The following HACE1 variants were observed in gnomAD, a reference collection of about 807,000 sequenced individuals.
HACE1 encodes the protein HECT domain and ankyrin repeat containing E3 ubiquitin protein ligase 1, also known as E3 ubiquitin-protein ligase HACE1.
In HACE1, 73 loss-of-function variants were observed where a neutral mutation model predicts 118.4. The observed-to-expected ratio is 0.62, with a 90% CI of 0.51 to 0.75. The LOEUF is 0.75. Among genes scored for constraint, HACE1 ranks in the 30% least tolerant of loss-of-function variants. HACE1 has a pLI of 0.00. For missense variants in HACE1, 749 were observed against 1,102.2 expected (o/e 0.68, Z 4.54); for synonymous variants, 368 against 374.8 (o/e 0.98, Z 0.21).
chr6:104,784,404 C>A lies in HACE1; in HGVS notation c.1478+13G>T. On this transcript the variant is annotated intron_variant, in intron 13 of 23. Coordinates refer to ENST00000262903, the MANE Select transcript of HACE1 (RefSeq NM_020771.4). ...AAGGCTAGCAGGGTACTCCACAAAC[C>A]CAGAAAGCTTACCTATTAACAAAGC... 1 of 1,582,278 alleles carries A rather than the reference C, an allele frequency of 6.3e-7. No homozygotes were observed. The highest frequency in any genetic ancestry group is 8.7e-7 in the Non-Finnish European group (1 of 1,151,240).
intron 1 of HACE1, among the ~76,000 whole-genome samples, chr6:104,852,884 C>T (rs1167956951): frequency 6.6e-6 from 1 of 152,104 alleles, no homozygotes. Context: ...ATACTGGCTT[C>T]TTGTCAATAT....
chr6:104,845,540 C>T (rs984768477), intron 4 of HACE1, among the ~76,000 whole-genome samples: 17 of 146,580 alleles, frequency 1.2e-4, no homozygotes, highest in African/African-American at 3.3e-4. Flanking sequence ...TACAGTGGCA[C>T]GATCTCGGCT....
At chr6:104,760,310 G>T (rs575442045) in intron 19 of HACE1, among the ~76,000 whole-genome samples, 40 of 152,222 alleles carry the variant, frequency 2.6e-4, no homozygotes, top group Non-Finnish European at 5.3e-4. Flanking sequence ...TAAAATACCG[G>T]CAAACCAAAT....
intron 10 of HACE1, among the ~76,000 whole-genome samples, chr6:104,793,435 T>G (rs1363625997): frequency 6.6e-6 from 1 of 152,158 alleles, no homozygotes; most frequent in African/African-American, 2.4e-5. Context: ...CAATCATAAA[T>G]ATATAGAAAG....
intron 22 of HACE1, among the ~76,000 whole-genome samples, chr6:104,737,121 TAAA>T (rs34153414): frequency 7.0e-6 from 1 of 142,486 alleles, no homozygotes. Context: ...TCATCTCTAC[TAAA>T]AAAAAAAAAA....
At position 104,751,198 on chromosome 6, in the gene HACE1, C is replaced by T. The variant is rs559641163; in HGVS notation, c.2212-726G>A. Among the ~76,000 whole-genome samples, 30 of 152,326 alleles carry T rather than the reference C, an allele frequency of 2.0e-4. 1 individual carries two copies. The highest frequency in any genetic ancestry group is 7.0e-4 in the African/African-American group (29 of 41,566). On this transcript the variant is annotated intron_variant, in intron 19 of 23. Coordinates refer to ENST00000262903, the MANE Select transcript of HACE1 (RefSeq NM_020771.4). ...CTAGATCATTCTCACTGAAATGTCT[C>T]ATTAGAATGTAATCTCTCTGCAGAC...
intron 19 of HACE1, among the ~76,000 whole-genome samples, chr6:104,750,815 C>T (rs144303355): frequency 2.7e-4 from 41 of 152,266 alleles, no homozygotes; most frequent in Non-Finnish European, 5.4e-4. Flanking sequence ...TCTGGTGTCC[C>T]TGTTTCCATT....
intron 19 of HACE1, among the ~76,000 whole-genome samples, chr6:104,753,276 A>G (rs889693231): frequency 1.7e-4 from 26 of 152,290 alleles, no homozygotes; most frequent in African/African-American, 6.0e-4. Context: ...GGTGACTGCC[A>G]TGTCTGGGGT....
chr6:104,784,321 G>A (rs1046506517), intron 13 of HACE1, 96 bp downstream of exon 13: 361 of 933,262 alleles, frequency 3.9e-4, no homozygotes, highest in Admixed American at 2.4e-4. Flanking sequence ...AGCATATTTT[G>A]AATAGTACGA....
chr6:104,751,059 T>G (rs1777991332), intron 19 of HACE1, among the ~76,000 whole-genome samples: 1 of 152,184 alleles, frequency 6.6e-6, no homozygotes, highest in Non-Finnish European at 1.5e-5. Context: ...TGCTCTCTGA[T>G]CTCACTTCTT....
At chr6:104,834,152 A>C (rs1241400584) in intron 5 of HACE1, among the ~76,000 whole-genome samples, 1 of 152,128 alleles carries the variant, frequency 6.6e-6, no homozygotes, top group Non-Finnish European at 1.5e-5. Flanking sequence ...ATTTCCAAAA[A>C]AAAAAAAATC....
chr6:104,818,726 A>T (rs1288267628), intron 6 of HACE1, among the ~76,000 whole-genome samples: 4 of 152,212 alleles, frequency 2.6e-5, no homozygotes, highest in African/African-American at 9.6e-5. Context: ...GGTTGGTTCA[A>T]CATACACAAA....
chr6:104,831,980 GAGGAAGGA>G (rs71276551), intron 6 of HACE1, among the ~76,000 whole-genome samples: 1,253 of 62,652 alleles, frequency 0.02, 53 homozygotes, highest in East Asian at 0.056. Flanking sequence ...GAAGAGAAGA[GAGGAAGGA>G]AGGAAGGAAG....
At chr6:104,736,525 G>A (rs1253250152) in intron 22 of HACE1, among the ~76,000 whole-genome samples, 1 of 151,936 alleles carries the variant, frequency 6.6e-6, no homozygotes, top group Non-Finnish European at 1.5e-5. Context: ...CAAGTGATCT[G>A]CCCACCTCAG....
At position 104,833,141 on chromosome 6, in the gene HACE1, T is replaced by C. The variant is rs759796069; in HGVS notation, c.435A>G (p.Glu145=). ...CATGCTGCACAAGGTCATGGAGTAGTTCTGTCCGCCCATTCACAGCCAGCC... is the reference window on the plus strand; with the variant it reads ...CATGCTGCACAAGGTCATGGAGTAGCTCTGTCCGCCCATTCACAGCCAGCC... The part of the protein sequence containing the change: ...IHWLAVNGRT[E]LLHDLVQHVS... Residue 145 remains glutamate, a synonymous_variant, in exon 6 of 24, where the codon GAA becomes GAG. Transcript: ENST00000262903. 1 of 1,613,860 alleles carries C rather than the reference T, an allele frequency of 6.2e-7. No homozygotes were observed. Among genetic ancestry groups the C allele is most frequent in the Non-Finnish European group, 8.5e-7 (1 of 1,179,736 alleles).
intron 6 of HACE1, among the ~76,000 whole-genome samples, chr6:104,812,037 A>G (rs1357954611): frequency 6.6e-6 from 1 of 152,130 alleles, no homozygotes; most frequent in Non-Finnish European, 1.5e-5. Context: ...TTTGACTCAT[A>G]CTAAGAGAGA....
intron 5 of HACE1, among the ~76,000 whole-genome samples, chr6:104,835,470 T>C (rs1012149551): frequency 3.9e-5 from 6 of 152,106 alleles, no homozygotes; most frequent in African/African-American, 1.4e-4. Context: ...AAATTAATAC[T>C]ATGATAGAGA....
intron 6 of HACE1, chr6:104,824,831 AG>A (rs1773135424): frequency 1.3e-5 from 2 of 151,896 alleles, no homozygotes. Context: ...CCCAACACTT[AG>A]GGAGGCCGAG....
intron 6 of HACE1, among the ~76,000 whole-genome samples, chr6:104,816,618 A>G (rs1215225230): frequency 6.6e-6 from 1 of 152,192 alleles, no homozygotes; most frequent in African/African-American, 2.4e-5. Context: ...GAGAACCTCT[A>G]CTAGGGCAGT....
Sources: gnomAD v4.1 joint callset for allele counts (sites outside exome capture counted in the v4.1 genomes callset) on GRCh38, gnomAD v4.1.1 for gene constraint, MANE v1.5 for transcripts, NCBI Gene and HGNC (gene_info 2026-07-23, HGNC 2026-07-21) for gene names.